ELMO1: variants seen among roughly 807,000 people sequenced by gnomAD.
ELMO1 encodes the protein engulfment and cell motility protein 1.
Under a neutral mutation model 98.9 loss-of-function variants are expected in ELMO1, and 26 were observed. That is an observed-to-expected ratio of 0.26 (90% CI 0.19 to 0.36). The LOEUF (loss-of-function observed/expected upper bound fraction) is 0.36, where lower values mean the gene tolerates loss of function less well. ELMO1 is among the 10% of genes least tolerant of loss of function. The pLI is 1.00. For synonymous variants in ELMO1, 346 were observed against 346.0 expected, an observed-to-expected ratio of 1.00 and a Z score of 0.00; for missense variants, 627 against 935.2, an observed-to-expected ratio of 0.67 and a Z score of 4.30.
chr7:36,978,610 C>G (rs896786788), intron 16 of ELMO1, among the ~76,000 whole-genome samples: 3 of 152,098 alleles, frequency 2.0e-5, no homozygotes, highest in Admixed American at 2.0e-4. Context: ...GATTTATGGG[C>G]CATCTGCTGA....
intron 16 of ELMO1, among the ~76,000 whole-genome samples, chr7:36,963,024 C>G (rs918377746): frequency 6.6e-6 from 1 of 152,214 alleles, no homozygotes; most frequent in African/African-American, 2.4e-5. Flanking sequence ...ACCTATGTGT[C>G]AACTCTAGAA....
At chr7:36,972,997 T>TCAA in intron 16 of ELMO1, among the ~76,000 whole-genome samples, 1 of 152,138 alleles carries the variant, frequency 6.6e-6, no homozygotes, top group East Asian at 1.9e-4. Flanking sequence ...ACCAGGCTGG[T>TCAA]CTCGAACTAC....
intron 15 of ELMO1, among the ~76,000 whole-genome samples, chr7:37,022,903 A>G (rs190444010): frequency 4.6e-5 from 7 of 152,340 alleles, no homozygotes; most frequent in Admixed American, 2.0e-4. Context: ...CAAAGAAATT[A>G]TTTTTAAAAA....
In ELMO1 at chr7:37,022,477, G is replaced by C. The variant is rs554765104; in HGVS notation, c.1301-9042C>G. Among the ~76,000 whole-genome samples, 368 of 152,226 alleles carry C rather than the reference G, an allele frequency of 2.4e-3. 1 individual carries two copies. Among genetic ancestry groups the C allele is most frequent in the Non-Finnish European group, 4.2e-3 (289 of 68,014 alleles). On this transcript the variant is annotated intron_variant, in intron 15 of 21. Coordinates refer to ENST00000310758, the MANE Select transcript of ELMO1 (RefSeq NM_014800.11). ...AAGTGGCCAATGAACACATGAAAAG[G>C]AGCTAAGCTTTTTAAGTCACAGAAA... is the stretch of plus-strand genomic sequence containing the variant.
chr7:36,921,416 T>C (rs1350273806), intron 16 of ELMO1, among the ~76,000 whole-genome samples: 1 of 152,220 alleles, frequency 6.6e-6, no homozygotes. Flanking sequence ...AAAAACAGTA[T>C]CTAAAGTCTT....
At chr7:37,212,983 T>C (rs2287125) in intron 12 of ELMO1, among the ~76,000 whole-genome samples, 42,025 of 152,010 alleles carry the variant, frequency 0.28, 6,402 homozygotes, top group African/African-American at 0.4. Flanking sequence ...CAATGCCACA[T>C]AGAGTCACCA....
rs75667939 is a variant in ELMO1 at position 37,042,282 on chromosome 7, A to G, written c.1301-28847T>C. 8.9e-3 allele frequency among the ~76,000 whole-genome samples: 1,352 copies of G among 152,072 alleles called. 6 individuals are homozygous for G. Among genetic ancestry groups the G allele is most frequent in the Middle Eastern group, 0.014 (4 of 294 alleles). ...CATATGCACTGGGAATTTGAGTTTCATAATTTTACATTTCACTGTAAAGGA... is the reference window on the plus strand; with the variant it reads ...CATATGCACTGGGAATTTGAGTTTCGTAATTTTACATTTCACTGTAAAGGA... On this transcript the variant is annotated intron_variant, in intron 15 of 21. Coordinates refer to ENST00000310758, the MANE Select transcript of ELMO1 (RefSeq NM_014800.11).
chr7:37,089,935 C>A (rs950967657), intron 15 of ELMO1, among the ~76,000 whole-genome samples: 7 of 152,160 alleles, frequency 4.6e-5, no homozygotes, highest in African/African-American at 1.7e-4. Context: ...CAGTCCCATT[C>A]CCTGTCCATG....
At chr7:36,861,595 T>C in intron 21 of ELMO1, 64 bp downstream of exon 21, 1 of 1,544,032 alleles carries the variant, frequency 6.5e-7, no homozygotes, top group Non-Finnish European at 8.8e-7. Context: ...GTAAAATTTC[T>C]TTCTATATTT....
At chr7:37,278,576 T>C (rs1221115003) in intron 4 of ELMO1, among the ~76,000 whole-genome samples, 1 of 152,170 alleles carries the variant, frequency 6.6e-6, no homozygotes, top group Non-Finnish European at 1.5e-5. Context: ...AAATTCTACC[T>C]GTGGACAGTA....
chr7:37,291,380 G>A (rs1187958313), intron 4 of ELMO1, among the ~76,000 whole-genome samples: 2 of 152,104 alleles, frequency 1.3e-5, no homozygotes, highest in Admixed American at 6.5e-5. Flanking sequence ...GATTAAAATG[G>A]TCTTATAAAC....
At chr7:37,271,903 T>A in intron 4 of ELMO1, 21 bp from the exon 5 acceptor site, 1 of 1,611,882 alleles carries the variant, frequency 6.2e-7, no homozygotes, top group Non-Finnish European at 8.5e-7. Flanking sequence ...AGAAAAAATC[T>A]TTGTAAATTT....
chr7:37,254,028 T>C (rs1377344118), intron 6 of ELMO1, among the ~76,000 whole-genome samples: 4 of 152,164 alleles, frequency 2.6e-5, no homozygotes, highest in Non-Finnish European at 5.9e-5. Context: ...GGATTTCTTA[T>C]AGAAAAATGG....
chr7:37,145,655 A>G (rs1211714828), intron 13 of ELMO1, among the ~76,000 whole-genome samples: 2 of 152,226 alleles, frequency 1.3e-5, no homozygotes, highest in Non-Finnish European at 2.9e-5. Flanking sequence ...GTCCTTTATT[A>G]GCGTGGATAA....
chr7:37,193,086 C>T (rs1791737944), intron 13 of ELMO1, among the ~76,000 whole-genome samples: 1 of 150,682 alleles, frequency 6.6e-6, no homozygotes, highest in Non-Finnish European at 1.5e-5. Context: ...CAGATGTGTG[C>T]TCAGACCCAA....
chr7:37,174,233 A>C (rs1213557833), intron 13 of ELMO1, among the ~76,000 whole-genome samples: 3 of 152,160 alleles, frequency 2.0e-5, no homozygotes, highest in Non-Finnish European at 4.4e-5. Flanking sequence ...CCCAGCGGTC[A>C]TCTCACGTTT....
At chr7:37,408,003 A>G (rs1308126731) in intron 1 of ELMO1, among the ~76,000 whole-genome samples, 1 of 152,180 alleles carries the variant, frequency 6.6e-6, no homozygotes, top group Non-Finnish European at 1.5e-5. Flanking sequence ...AATTTTAAAA[A>G]TAGTAACTTC....
rs554959970 is a variant in ELMO1, at chr7:37,173,074, C to T, written c.1086+38312G>A. Reference sequence around the variant, plus strand: ...CACAAGACTTGACTTTCCTCTTCAACGAAATGTGAAATAGCATTTCCTGTA... The same window carrying T: ...CACAAGACTTGACTTTCCTCTTCAATGAAATGTGAAATAGCATTTCCTGTA... On this transcript the variant is annotated intron_variant, in intron 13 of 21. Transcript: ENST00000310758. Among the ~76,000 whole-genome samples, 270 of 152,318 alleles carry T rather than the reference C, an allele frequency of 1.8e-3. 3 individuals are homozygous for T. Among genetic ancestry groups the T allele is most frequent in the African/African-American group, 6.1e-3 (255 of 41,586 alleles).
At chr7:37,154,837 G>A (rs1364607148) in intron 13 of ELMO1, among the ~76,000 whole-genome samples, 1 of 152,148 alleles carries the variant, frequency 6.6e-6, no homozygotes, top group Non-Finnish European at 1.5e-5. Flanking sequence ...TCCTTGAGAA[G>A]AGCAACCCCA....
Sources: allele counts gnomAD v4.1 joint callset (sites outside exome capture counted in the v4.1 genomes callset), GRCh38; gene constraint gnomAD v4.1.1; transcripts MANE v1.5; gene names NCBI Gene and HGNC (gene_info 2026-07-23, HGNC 2026-07-21).